Variants in MRPL22 observed in about 807,000 individuals in gnomAD.
The protein encoded by MRPL22 is large ribosomal subunit protein uL22m.
Under a neutral mutation model 32.4 loss-of-function variants are expected in MRPL22, and 27 were observed. The ratio of observed to expected loss-of-function variants is 0.83; its 90% CI spans 0.61 to 1.15. MRPL22 has a LOEUF of 1.15. MRPL22 is among the 50% of genes most tolerant of loss of function. The pLI, the probability that MRPL22 is intolerant of heterozygous loss-of-function variation, is 0.00. For missense variants in MRPL22, 239 were observed against 260.2 expected (o/e 0.92, Z 0.56); for synonymous variants, 86 against 87.3 (o/e 0.99, Z 0.08).
chr5:154,958,763 T>C (rs1346234810), intron 5 of MRPL22, among the ~76,000 whole-genome samples: 1 of 151,944 alleles, frequency 6.6e-6, no homozygotes, highest in Non-Finnish European at 1.5e-5. Flanking sequence ...GCCAGGATGG[T>C]CTCAATCTCT....
At chr5:154,946,287 C>G (rs1280371620) in intron 2 of MRPL22, among the ~76,000 whole-genome samples, 1 of 152,080 alleles carries the variant, frequency 6.6e-6, no homozygotes, top group African/African-American at 2.4e-5. Flanking sequence ...ATGATGTAGT[C>G]TAATTCCTCT....
chr5:154,941,318 T>G, intron 2 of MRPL22, 53 bp downstream of exon 2: 1 of 1,608,642 alleles, frequency 6.2e-7, no homozygotes, highest in Non-Finnish European at 8.5e-7. Flanking sequence ...TTTAGTATTC[T>G]GCCAGTTGGT....
intron 6 of MRPL22, among the ~76,000 whole-genome samples, chr5:154,963,969 A>G (rs952213998): frequency 3.3e-5 from 5 of 152,196 alleles, no homozygotes; most frequent in Admixed American, 2.6e-4. Context: ...ATAGTGTAGT[A>G]CAATGAGGAG....
intron 3 of MRPL22, among the ~76,000 whole-genome samples, chr5:154,951,562 G>C (rs1193176789): frequency 6.6e-6 from 1 of 151,880 alleles, no homozygotes; most frequent in Non-Finnish European, 1.5e-5. Context: ...TTTTGAGACA[G>C]AGTCTTGCTC....
Position 154,957,259 on chromosome 5 carries a change from T to G in MRPL22, c.339+47T>G, listed in dbSNP as rs375466949. The G allele has an allele frequency of 1.4e-5, 20 of 1,476,544 alleles. No individual in the cohort carries two copies. The African/African-American group carries it at 2.4e-4, about 17-fold the overall frequency. The allele number at this position is 1,476,544 out of a possible 1,614,324, so 91.5% of individuals were successfully genotyped here. A position where few individuals can be genotyped will look rare whatever the true frequency, so the allele number is the denominator to read the frequency against. ...TGGTAGGGAATGGGGAACTGGGGAA[T>G]GCAGCTGTCTTGCAATTATTAGTAA... On this transcript the variant is annotated intron_variant, in intron 5 of 6. Transcript: ENST00000523037.
At chr5:154,960,300 T>C (rs948878490) in intron 6 of MRPL22, among the ~76,000 whole-genome samples, 1 of 152,330 alleles carries the variant, frequency 6.6e-6, no homozygotes, top group East Asian at 1.9e-4. Flanking sequence ...TATTAAATAA[T>C]AGATACCAAG....
chr5:154,963,329 A>T (rs914103440), intron 6 of MRPL22, among the ~76,000 whole-genome samples: 3 of 152,194 alleles, frequency 2.0e-5, no homozygotes, highest in Non-Finnish European at 4.4e-5. Context: ...AGATATCTTA[A>T]TGTATTCTTT....
chr5:154,944,007 G>A (rs1326147503), intron 2 of MRPL22, among the ~76,000 whole-genome samples: 1 of 152,014 alleles, frequency 6.6e-6, no homozygotes, highest in African/African-American at 2.4e-5. Context: ...CTATTTTACT[G>A]ATGCATACAT....
chr5:154,943,938 C>T (rs887390647), intron 2 of MRPL22, among the ~76,000 whole-genome samples: 5 of 152,076 alleles, frequency 3.3e-5, no homozygotes, highest in African/African-American at 1.2e-4. Flanking sequence ...GCTGGGATTA[C>T]TCTGTAGGCT....
intron 3 of MRPL22, among the ~76,000 whole-genome samples, chr5:154,955,016 G>A (rs1029123879): frequency 3.3e-5 from 5 of 151,528 alleles, no homozygotes; most frequent in Admixed American, 6.6e-5. Context: ...GGATGGTCTC[G>A]ATCTCCTGAC....
chr5:154,958,538 CTTTTTTT>C (rs201113350), intron 5 of MRPL22, among the ~76,000 whole-genome samples: 9 of 83,302 alleles, frequency 1.1e-4, no homozygotes, highest in East Asian at 4.0e-4. Context: ...TGACAATTGT[CTTTTTTT>C]TTTTTTTTTT....
In MRPL22 at chr5:154,950,877, G is replaced by GGGA; in HGVS notation, c.136_138dup (p.Glu46dup). ...GCTTCTCTTGACATTTCTCGAAAAT[G>GGGA]GGAGAAGAAGAATAAAATTGTTTAT... On this transcript the variant is annotated inframe_insertion, in exon 3 of 7. Transcript: ENST00000523037. 6.2e-7 allele frequency: 1 copy of GGGA among 1,613,896 alleles called. No homozygotes were observed. The highest frequency in any genetic ancestry group is 1.1e-5 in the South Asian group (1 of 91,080).
intron 2 of MRPL22, among the ~76,000 whole-genome samples, chr5:154,944,230 T>G (rs1764458967): frequency 6.6e-6 from 1 of 152,170 alleles, no homozygotes; most frequent in South Asian, 2.1e-4. Context: ...AGTGCTGGGA[T>G]TACAGGCATG....
At chr5:154,943,996 C>T (rs536758625) in intron 2 of MRPL22, among the ~76,000 whole-genome samples, 30 of 152,168 alleles carry the variant, frequency 2.0e-4, no homozygotes, top group African/African-American at 7.2e-4. Flanking sequence ...TTCCAAGTCT[C>T]CTATTTTACT....
At position 154,941,137 on chromosome 5, in the gene MRPL22, G is replaced by C. The variant is rs145681843; in HGVS notation, c.27G>C (p.Leu9Phe). Residue 9 changes from leucine to phenylalanine, a missense_variant and splice_region_variant, in exon 1 of 7, where the codon TTG becomes TTC. Coordinates refer to ENST00000523037, the MANE Select transcript of MRPL22 (RefSeq NM_014180.4). Reference sequence around the variant, plus strand: ...TGGCGGCGGCAGTACTGGGACAGTTGGGTAAGGATTTCTTAGTGGTTAAGC... The same window carrying C: ...TGGCGGCGGCAGTACTGGGACAGTTCGGTAAGGATTTCTTAGTGGTTAAGC... The part of the protein sequence containing the change: MAAAVLGQ[L>F]GALWIHNLRS... 1.1e-4 allele frequency: 178 copies of C among 1,614,086 alleles called. No homozygotes were observed. The highest frequency in any genetic ancestry group is 7.6e-6 in the Non-Finnish European group (9 of 1,180,018).
At chr5:154,959,108 C>T (rs1166263915) in intron 5 of MRPL22, 1 of 152,348 alleles carries the variant, frequency 6.6e-6, no homozygotes, top group East Asian at 1.9e-4. Flanking sequence ...TCACAGCTCA[C>T]TGCAGCTTTA....
At position 154,959,983 on chromosome 5, in the gene MRPL22, C is replaced by G. The variant is rs1582694266; in HGVS notation, c.343C>G (p.Leu115Val). 1 of 1,609,584 alleles carries G rather than the reference C, an allele frequency of 6.2e-7. No individual in the cohort carries two copies. The highest frequency in any genetic ancestry group is 8.5e-7 in the Non-Finnish European group (1 of 1,177,752). ...GCTTTTCTTTTTCTTATTTAAGGTT[C>G]TCTTAGAAGCACAAGATATGGCAGT... ...KKGAKIIKEVLLEAQDMAVRD... is the reference protein window; with the variant it reads ...KKGAKIIKEVVLEAQDMAVRD... Residue 115 changes from leucine (L) to valine (V), a missense_variant, in exon 6 of 7, where the codon CTC (leucine) becomes GTC (valine). By Grantham distance (32) the Leu-to-Val change is conservative. Coordinates refer to ENST00000523037, the MANE Select transcript of MRPL22 (RefSeq NM_014180.4).
At chr5:154,965,469 G>A (rs555909857) in intron 6 of MRPL22, among the ~76,000 whole-genome samples, 68 of 148,942 alleles carry the variant, frequency 4.6e-4, no homozygotes, top group Middle Eastern at 3.5e-3. Flanking sequence ...ACTGTCACCC[G>A]GGCTGGTGTG....
At chr5:154,947,370 T>G (rs114792181) in intron 2 of MRPL22, among the ~76,000 whole-genome samples, 1,748 of 152,316 alleles carry the variant, frequency 0.011, 32 homozygotes, top group African/African-American at 0.04. Context: ...GCTTTTCAGT[T>G]AAGACATTGG....
Sources: allele counts gnomAD v4.1 joint callset (sites outside exome capture counted in the v4.1 genomes callset), GRCh38; gene constraint gnomAD v4.1.1; transcripts MANE v1.5; gene names NCBI Gene and HGNC (gene_info 2026-07-23, HGNC 2026-07-21).